The following SYT2 variants were observed in gnomAD, a reference collection of about 807,000 sequenced individuals.
SYT2 encodes synaptotagmin 2.
In SYT2, 15 loss-of-function variants were observed where a neutral mutation model predicts 39.9. The ratio of observed to expected loss-of-function variants is 0.38; its 90% CI spans 0.25 to 0.58. SYT2 has a LOEUF of 0.58. Ranked by LOEUF, SYT2 falls within the 20% of genes least tolerant of loss-of-function variation. The pLI, the probability that SYT2 is intolerant of heterozygous loss-of-function variation, is 0.70. For synonymous variants in SYT2, 181 were observed against 204.5 expected (o/e 0.89, Z 0.98); for missense variants, 389 against 530.3 (o/e 0.73, Z 2.62).
intron 1 of SYT2, among the ~76,000 whole-genome samples, chr1:202,644,011 T>C (rs1692015694): frequency 6.6e-6 from 1 of 152,110 alleles, no homozygotes; most frequent in African/African-American, 2.4e-5. Context: ...GATGAAGGTT[T>C]TCCTGAGTCA....
intron 1 of SYT2, among the ~76,000 whole-genome samples, chr1:202,635,604 A>C (rs1691718784): frequency 6.6e-6 from 1 of 152,200 alleles, no homozygotes; most frequent in Admixed American, 6.5e-5. Flanking sequence ...AGAAGCTCTG[A>C]GGACAGCTCC....
intron 1 of SYT2, among the ~76,000 whole-genome samples, chr1:202,674,674 G>A (rs368968265): frequency 1.4e-4 from 22 of 152,202 alleles, no homozygotes; most frequent in African/African-American, 5.3e-4. Context: ...TCTCTCCTCA[G>A]CTTAAAATTT....
Position 202,605,690 on chromosome 1 carries a change from T to A in SYT2, c.83A>T (p.Asp28Val), listed in dbSNP as rs1690679215. 1.2e-6 allele frequency: 2 copies of A among 1,614,006 alleles called. No homozygotes were observed. ...TTATMPIGPV[D>V]NSTESGGAGE... ...AGCACCCCCACTCTCAGTGGAGTTG[T>A]CCACGGGTCCAATGGGCATCGTGGC... Residue 28 changes from aspartate (D) to valine (V), a missense_variant, in exon 2 of 9, where the codon GAC becomes GTC. Asp to Val is a radical substitution (Grantham distance 152, BLOSUM62 -3). Around this residue, in one of 4 missense-constraint regions of SYT2, gnomAD observed 280 missense variants for 335.6 expected, o/e 0.83. Coordinates refer to ENST00000367268, the MANE Select transcript of SYT2 (RefSeq NM_177402.5).
At chr1:202,673,515 C>T (rs1408979426) in intron 1 of SYT2, among the ~76,000 whole-genome samples, 1 of 152,194 alleles carries the variant, frequency 6.6e-6, no homozygotes, top group African/African-American at 2.4e-5. Context: ...CTGAATGGAT[C>T]CAATGAGATG....
chr1:202,619,211 G>T (rs35302449), intron 1 of SYT2, among the ~76,000 whole-genome samples: 1 of 152,188 alleles, frequency 6.6e-6, no homozygotes, highest in Non-Finnish European at 1.5e-5. Flanking sequence ...CTGCAGTCCC[G>T]GGGAGAGCAG....
chr1:202,628,139 C>T lies in SYT2; in HGVS notation c.-17-22350G>A, dbSNP rs1030561782. On this transcript the variant is annotated intron_variant, in intron 1 of 8. Transcript: ENST00000367268. This position sits in a 1 kb window ranked among gnomAD's most constrained non-coding sequence, Gnocchi z 4.2. ...CTCCACTGTGCCCACTCCGTGCCAG[C>T]GGCATATTTCATTTCATCCGGGCCT... 9.2e-5 allele frequency among the ~76,000 whole-genome samples: 14 copies of T among 152,276 alleles called. No individual in the cohort carries two copies. The highest frequency in any genetic ancestry group is 2.6e-4 in the Admixed American group (4 of 15,306).
Position 202,599,457 on chromosome 1 carries a change from C to G in SYT2, c.920-106G>C. On this transcript the variant is annotated intron_variant, in intron 7 of 8. Coordinates refer to ENST00000367268, the MANE Select transcript of SYT2 (RefSeq NM_177402.5). This position sits in a 1 kb window ranked among gnomAD's most constrained non-coding sequence, Gnocchi z 4.4. ...AGCATCGGTCAAGAGGGGGTCTTCACTCCGCTGAGACCAGGCCCTCAGAAA... is the reference window on the plus strand; with the variant it reads ...AGCATCGGTCAAGAGGGGGTCTTCAGTCCGCTGAGACCAGGCCCTCAGAAA... 7.6e-7 allele frequency: 1 copy of G among 1,317,348 alleles called. No homozygotes were observed. The highest frequency in any genetic ancestry group is 1.0e-6 in the Non-Finnish European group (1 of 977,580). 81.6% of individuals were successfully genotyped at this position (1,317,348 alleles called of 1,614,324 possible).
At chr1:202,629,095 G>A (rs1312617509) in intron 1 of SYT2, among the ~76,000 whole-genome samples, 1 of 152,228 alleles carries the variant, frequency 6.6e-6, no homozygotes, top group Non-Finnish European at 1.5e-5. Context: ...GTGGAGAGGT[G>A]GGGCAGCCTC....
intron 1 of SYT2, among the ~76,000 whole-genome samples, chr1:202,627,005 T>C (rs1273135511): frequency 2.0e-5 from 3 of 152,250 alleles, no homozygotes; most frequent in Admixed American, 6.5e-5. Flanking sequence ...GAGTCCATGC[T>C]GACCACGAAC....
At chr1:202,600,621 G>A in intron 6 of SYT2, 147 bp from the exon 7 acceptor site, 1 of 682,846 alleles carries the variant, frequency 1.5e-6, no homozygotes. Flanking sequence ...TGGCCGAGAA[G>A]GTCTTCCAGC....
At chr1:202,619,826 G>C (rs1234047754) in intron 1 of SYT2, among the ~76,000 whole-genome samples, 1 of 152,178 alleles carries the variant, frequency 6.6e-6, no homozygotes, top group Non-Finnish European at 1.5e-5. Flanking sequence ...GGCAACAACA[G>C]GTTCAATCAC....
chr1:202,695,912 A>G (rs763568650), intron 1 of SYT2, among the ~76,000 whole-genome samples: 11 of 152,106 alleles, frequency 7.2e-5, no homozygotes, highest in Non-Finnish European at 1.6e-4. Flanking sequence ...GCACTCCTCC[A>G]TTTGTGATAC....
intron 1 of SYT2, among the ~76,000 whole-genome samples, chr1:202,681,047 G>C (rs939907326): frequency 6.6e-6 from 1 of 152,056 alleles, no homozygotes; most frequent in African/African-American, 2.4e-5. Flanking sequence ...TCCAGCTAAT[G>C]CCTCAGTGAG....
chr1:202,678,901 C>T (rs188398117), intron 1 of SYT2, among the ~76,000 whole-genome samples: 1,939 of 149,720 alleles, frequency 0.013, 11 homozygotes, highest in Non-Finnish European at 0.02. Flanking sequence ...ACTGACCCAA[C>T]GCCCTACATT....
intron 1 of SYT2, among the ~76,000 whole-genome samples, chr1:202,666,389 C>G (rs936191746): frequency 6.6e-6 from 1 of 152,130 alleles, no homozygotes; most frequent in Non-Finnish European, 1.5e-5. Flanking sequence ...TCAGGACAGA[C>G]CAATACCCTA....
At chr1:202,668,599 T>A (rs918879594) in intron 1 of SYT2, among the ~76,000 whole-genome samples, 1 of 152,232 alleles carries the variant, frequency 6.6e-6, no homozygotes, top group Non-Finnish European at 1.5e-5. Flanking sequence ...ATGCCAGACC[T>A]GTGCTAGCCA....
Position 202,674,727 on chromosome 1 carries a change from T to G in SYT2, c.-18+35531A>C, listed in dbSNP as rs139896574. Among the ~76,000 whole-genome samples the G allele has an allele frequency of 5.7e-3, 867 of 152,228 alleles. 9 individuals carry two copies. Among genetic ancestry groups the G allele is most frequent in the African/African-American group, 0.02 (825 of 41,530 alleles). On this transcript the variant is annotated intron_variant, in intron 1 of 8. Transcript: ENST00000367268. Reference sequence around the variant, plus strand: ...CACTTGGTATGAAACCCCTACTGTTTAATCTGACCTCAGCAGTCCAGGCCT... The same window carrying G: ...CACTTGGTATGAAACCCCTACTGTTGAATCTGACCTCAGCAGTCCAGGCCT...
chr1:202,674,616 T>C (rs1463455649), intron 1 of SYT2, among the ~76,000 whole-genome samples: 1 of 152,212 alleles, frequency 6.6e-6, no homozygotes, highest in African/African-American at 2.4e-5. Context: ...GATGGGAGTA[T>C]GATCTGTTAC....
chr1:202,650,998 G>A (rs989736565), intron 1 of SYT2, among the ~76,000 whole-genome samples: 40 of 152,214 alleles, frequency 2.6e-4, no homozygotes, highest in African/African-American at 9.6e-4. Context: ...CGGGAGTGGG[G>A]TGGGAGGGGC....
Sources: gnomAD v4.1 joint callset for allele counts (sites outside exome capture counted in the v4.1 genomes callset) on GRCh38, gnomAD v4.1.1 for gene constraint, gnomAD v4.1.1 regional missense constraint, Gnocchi (gnomAD v3.1) non-coding constraint, MANE v1.5 for transcripts, NCBI Gene and HGNC (gene_info 2026-07-23, HGNC 2026-07-21) for gene names.